Variants in AIG1 observed in about 807,000 individuals in gnomAD.
AIG1 encodes the protein androgen-induced gene 1 protein.
AIG1 carries 23 observed loss-of-function variants against 31.4 expected under a neutral mutation model. The ratio of observed to expected loss-of-function variants is 0.73; its 90% CI spans 0.53 to 1.04. The LOEUF (loss-of-function observed/expected upper bound fraction) is 1.04. AIG1 is among the 50% of genes least tolerant of loss of function. The probability of loss-of-function intolerance (pLI) is 0.00; values close to 1 mark genes in which losing one functional copy is unlikely to be tolerated. For missense variants in AIG1, 274 were observed against 295.0 expected (o/e 0.93, Z 0.52); for synonymous variants, 100 against 110.5 (o/e 0.90, Z 0.60).
intron 3 of AIG1, among the ~76,000 whole-genome samples, chr6:143,178,360 G>A (rs1788384490): frequency 2.6e-5 from 4 of 152,200 alleles, no homozygotes; most frequent in Non-Finnish European, 1.5e-5. Context: ...ATGATGTGCT[G>A]TGGCAGCCTG....
At chr6:143,076,832 C>T (rs9496514) in intron 1 of AIG1, among the ~76,000 whole-genome samples, 5,078 of 152,024 alleles carry the variant, frequency 0.033, 128 homozygotes, top group African/African-American at 0.074. Flanking sequence ...CCACCACGCC[C>T]GGCTAATTTC....
intron 1 of AIG1, among the ~76,000 whole-genome samples, chr6:143,125,433 T>TA (rs1188112005): frequency 5.3e-5 from 8 of 152,190 alleles, no homozygotes; most frequent in African/African-American, 1.4e-4. Context: ...AATTATTTGT[T>TA]AAAAAAATCA....
rs1427975773 is a variant in AIG1, at chr6:143,329,023, C to G, written c.516-4259C>G. The stretch of plus-strand genomic sequence containing the variant: ...AGTCATCTTTGTGCAGAGAATTGAG[C>G]CCTGATAAAAATCAAGGAAACAAAT... On this transcript the variant is annotated intron_variant, in intron 4 of 5. Coordinates refer to ENST00000357847, the MANE Select transcript of AIG1 (RefSeq NM_016108.4). This position sits in a 1 kb window ranked among gnomAD's most constrained non-coding sequence, Gnocchi z 4.9. Among the ~76,000 whole-genome samples the G allele has an allele frequency of 1.3e-5, 2 of 152,150 alleles. No individual in the cohort carries two copies. Among genetic ancestry groups the G allele is most frequent in the Non-Finnish European group, 2.9e-5 (2 of 68,022 alleles).
intron 1 of AIG1, among the ~76,000 whole-genome samples, chr6:143,064,787 T>C (rs921128088): frequency 1.3e-5 from 2 of 152,166 alleles, no homozygotes; most frequent in Non-Finnish European, 2.9e-5. Context: ...GTGGGCAATA[T>C]GAGGATTTGT....
intron 3 of AIG1, among the ~76,000 whole-genome samples, chr6:143,273,792 C>G (rs919418160): frequency 6.6e-6 from 1 of 152,126 alleles, no homozygotes; most frequent in Non-Finnish European, 1.5e-5. Context: ...AAACTGCCCC[C>G]ATGATTCAAT....
At chr6:143,136,130 A>G (rs925029034) in intron 1 of AIG1, among the ~76,000 whole-genome samples, 2 of 152,126 alleles carry the variant, frequency 1.3e-5, no homozygotes, top group Non-Finnish European at 2.9e-5. Context: ...GCGGTTAGAG[A>G]AATTGTATGG....
intron 3 of AIG1, among the ~76,000 whole-genome samples, chr6:143,283,054 A>G (rs537691717): frequency 1.3e-5 from 2 of 152,320 alleles, no homozygotes; most frequent in South Asian, 2.1e-4. Context: ...CTCTTGAGAA[A>G]GTCTCCAGTA....
At chr6:143,202,673 G>T (rs1283603139) in intron 3 of AIG1, among the ~76,000 whole-genome samples, 1 of 152,102 alleles carries the variant, frequency 6.6e-6, no homozygotes, top group African/African-American at 2.4e-5. Context: ...CCCTGAGAAG[G>T]TTCTGCATTC....
intron 2 of AIG1, among the ~76,000 whole-genome samples, chr6:143,150,692 A>T (rs1785142248): frequency 6.6e-6 from 1 of 152,118 alleles, no homozygotes; most frequent in African/African-American, 2.4e-5. Flanking sequence ...TCTCAAGCAA[A>T]AAAAGGGTAG....
chr6:143,070,279 C>A (rs1026702482), intron 1 of AIG1, among the ~76,000 whole-genome samples: 1 of 152,094 alleles, frequency 6.6e-6, no homozygotes, highest in Non-Finnish European at 1.5e-5. Flanking sequence ...GACATCTTAA[C>A]AATATTTACT....
At chr6:143,092,402 A>C (rs1779387948) in intron 1 of AIG1, among the ~76,000 whole-genome samples, 1 of 151,196 alleles carries the variant, frequency 6.6e-6, no homozygotes, top group African/African-American at 2.4e-5. Context: ...TACAGGGATC[A>C]GCTACCATCC....
At chr6:143,260,017 C>CTTTTTTTTT (rs35620148) in intron 3 of AIG1, among the ~76,000 whole-genome samples, 4 of 85,118 alleles carry the variant, frequency 4.7e-5, no homozygotes, top group Non-Finnish European at 8.6e-5. Flanking sequence ...TCTTGTGCTT[C>CTTTTTTTTT]TTTTTTTTTT....
intron 3 of AIG1, chr6:143,189,470 A>G (rs1359372889): frequency 2.0e-6 from 2 of 984,334 alleles, no homozygotes; most frequent in Admixed American, 6.1e-5. Flanking sequence ...TTATATATTG[A>G]AATCAAGCTT....
At chr6:143,342,291 G>T, downstream of AIG1, 2 of 685,560 alleles carry the variant, frequency 2.9e-6, no homozygotes, top group South Asian at 3.0e-5. Context: ...CTGCGGCTCA[G>T]CGTGGGCTCC....
At chr6:143,081,000 T>C (rs1256501668) in intron 1 of AIG1, among the ~76,000 whole-genome samples, 1 of 152,168 alleles carries the variant, frequency 6.6e-6, no homozygotes, top group East Asian at 1.9e-4. Flanking sequence ...TCGTTGATAT[T>C]TGGCTAAGGA....
At chr6:143,217,804 C>T (rs1034198264) in intron 3 of AIG1, among the ~76,000 whole-genome samples, 5 of 152,198 alleles carry the variant, frequency 3.3e-5, no homozygotes, top group Admixed American at 1.3e-4. Flanking sequence ...CCACCACACC[C>T]GACCACTTTC....
At chr6:143,210,411 T>A (rs1238567230) in intron 3 of AIG1, among the ~76,000 whole-genome samples, 1 of 152,148 alleles carries the variant, frequency 6.6e-6, no homozygotes, top group Non-Finnish European at 1.5e-5. Flanking sequence ...GAAATCATGA[T>A]TCTCTCCCCA....
chr6:143,321,404 G>C (rs979200406), intron 4 of AIG1, among the ~76,000 whole-genome samples: 2 of 151,880 alleles, frequency 1.3e-5, no homozygotes, highest in East Asian at 2.0e-4. Flanking sequence ...TTCAAGACCA[G>C]CCTGGCCAAC....
At chr6:143,240,567 C>T (rs1794166603) in intron 3 of AIG1, among the ~76,000 whole-genome samples, 1 of 152,166 alleles carries the variant, frequency 6.6e-6, no homozygotes, top group African/African-American at 2.4e-5. Context: ...CCAATCTTTG[C>T]TCCTTCCCTC....
Sources: allele counts gnomAD v4.1 joint callset (sites outside exome capture counted in the v4.1 genomes callset), GRCh38; gene constraint gnomAD v4.1.1; non-coding constraint Gnocchi (gnomAD v3.1); transcripts MANE v1.5; gene names NCBI Gene and HGNC (gene_info 2026-07-23, HGNC 2026-07-21).